DSCAML1: variants seen among roughly 807,000 people sequenced by gnomAD.
The protein encoded by DSCAML1 is cell adhesion molecule DSCAML1.
In DSCAML1, 38 loss-of-function variants were observed where a neutral mutation model predicts 200.5. The observed-to-expected ratio is 0.19, with a 90% CI of 0.15 to 0.25. The LOEUF is 0.25. Ranked by LOEUF, DSCAML1 falls within the 10% of genes least tolerant of loss-of-function variation. The probability of loss-of-function intolerance (pLI) is 1.00; values close to 1 mark genes in which losing one functional copy is unlikely to be tolerated. For missense variants in DSCAML1, 2,223 were observed against 2,858.8 expected, an observed-to-expected ratio of 0.78 and a Z score of 5.07; for synonymous variants, 1,215 against 1,165.0, an observed-to-expected ratio of 1.04 and a Z score of -0.87.
At chr11:117,653,780 A>G (rs1468814669) in intron 3 of DSCAML1, among the ~76,000 whole-genome samples, 3 of 152,242 alleles carry the variant, frequency 2.0e-5, no homozygotes, top group African/African-American at 2.4e-5. Context: ...CATTACTCAC[A>G]ATAGGCAAAA....
chr11:117,507,400 C>T (rs888009897), intron 8 of DSCAML1, among the ~76,000 whole-genome samples: 9 of 152,202 alleles, frequency 5.9e-5, no homozygotes, highest in Non-Finnish European at 1.2e-4. Flanking sequence ...CATGGCCCTC[C>T]GCCCTCAGGG....
intron 3 of DSCAML1, among the ~76,000 whole-genome samples, chr11:117,773,781 G>A (rs1313672760): frequency 6.6e-6 from 1 of 152,074 alleles, no homozygotes; most frequent in African/African-American, 2.4e-5. Flanking sequence ...TTCTGCACTT[G>A]GAGAAGACTG....
chr11:117,643,677 C>T (rs1283619087), intron 3 of DSCAML1, among the ~76,000 whole-genome samples: 2 of 152,114 alleles, frequency 1.3e-5, no homozygotes, highest in African/African-American at 4.8e-5. Flanking sequence ...CCCTCATCTC[C>T]TGCAGGGGAG....
At chr11:117,531,755 G>A (rs1252438545) in intron 4 of DSCAML1, among the ~76,000 whole-genome samples, 1 of 151,918 alleles carries the variant, frequency 6.6e-6, no homozygotes, top group African/African-American at 2.4e-5. Flanking sequence ...GCGTGGTGGC[G>A]CATGCCTATA....
chr11:117,714,481 A>C (rs2053910989), intron 3 of DSCAML1, among the ~76,000 whole-genome samples: 1 of 152,142 alleles, frequency 6.6e-6, no homozygotes, highest in East Asian at 1.9e-4. Context: ...AGTTCAACAC[A>C]TCCCATCTTG....
In DSCAML1 at chr11:117,428,429, C is replaced by T; in HGVS notation, c.6061G>A (p.Gly2021Arg). ...TCGAGAAGCGAGTCCCTGGAGCCCC[C>T]CATTTTGGTGTGTGGGCCCCCGGCT... is the stretch of plus-strand genomic sequence containing the variant. ...PRAGGPHTKM[G>R]GSRDSLLEMS... The change falls in exon 33 of 33, where the codon GGG becomes AGG. Residue 2021 changes from glycine to arginine, a missense_variant. Around this residue, in one of 7 missense-constraint regions of DSCAML1, gnomAD observed 280 missense variants for 213.4 expected, o/e 1.31. Coordinates refer to ENST00000651296, the MANE Select transcript of DSCAML1 (RefSeq NM_020693.4). 1.9e-6 allele frequency: 3 copies of T among 1,550,542 alleles called. No individual in the cohort carries two copies. Among genetic ancestry groups the T allele is most frequent in the Non-Finnish European group, 2.6e-6 (3 of 1,152,014 alleles).
chr11:117,603,605 A>G (rs2051507273), intron 3 of DSCAML1, among the ~76,000 whole-genome samples: 1 of 152,254 alleles, frequency 6.6e-6, no homozygotes, highest in East Asian at 1.9e-4. Context: ...ATTATTTCCT[A>G]AAGCATAAGG....
intron 11 of DSCAML1, among the ~76,000 whole-genome samples, chr11:117,485,377 A>T (rs1469916704): frequency 6.6e-6 from 1 of 152,158 alleles, no homozygotes; most frequent in East Asian, 1.9e-4. Flanking sequence ...CCAGCTTAGG[A>T]TGGCAATGAG....
intron 3 of DSCAML1, among the ~76,000 whole-genome samples, chr11:117,673,030 C>T (rs1489919890): frequency 6.6e-6 from 1 of 152,128 alleles, no homozygotes; most frequent in Non-Finnish European, 1.5e-5. Flanking sequence ...TCTGTGCTCC[C>T]CTGTGCTTGC....
chr11:117,796,742 A>G (rs1481828759), intron 1 of DSCAML1, among the ~76,000 whole-genome samples: 2 of 152,184 alleles, frequency 1.3e-5, no homozygotes, highest in Non-Finnish European at 2.9e-5. Flanking sequence ...GGAGGGGTCC[A>G]GGGCAGAACT....
chr11:117,442,573 C>T (rs1291146287), intron 21 of DSCAML1, among the ~76,000 whole-genome samples: 2 of 152,010 alleles, frequency 1.3e-5, no homozygotes, highest in Non-Finnish European at 2.9e-5. Flanking sequence ...CCTCACAGGG[C>T]GGCTGTGAGG....
chr11:117,477,394 G>A (rs867214012), intron 14 of DSCAML1, among the ~76,000 whole-genome samples: 22 of 143,766 alleles, frequency 1.5e-4, no homozygotes, highest in African/African-American at 5.2e-4. Context: ...GTGTGTGTAT[G>A]TGTGTGTGTA....
chr11:117,683,609 G>A (rs750344166), intron 3 of DSCAML1, among the ~76,000 whole-genome samples: 2 of 152,208 alleles, frequency 1.3e-5, no homozygotes, highest in Admixed American at 6.5e-5. Flanking sequence ...TCTGCTTCCA[G>A]GCTTTTTCCT....
chr11:117,778,538 A>G (rs1263133921), intron 2 of DSCAML1, among the ~76,000 whole-genome samples: 3 of 152,220 alleles, frequency 2.0e-5, no homozygotes, highest in Non-Finnish European at 4.4e-5. Flanking sequence ...TCACCATAAG[A>G]GCAGCGTATA....
intron 3 of DSCAML1, among the ~76,000 whole-genome samples, chr11:117,746,275 A>G (rs1176159033): frequency 6.7e-6 from 1 of 150,190 alleles, no homozygotes; most frequent in Non-Finnish European, 1.5e-5. Context: ...ATATAAGTGA[A>G]TTTTTATTAT....
intron 11 of DSCAML1, among the ~76,000 whole-genome samples, 188 bp from the exon 12 acceptor site, chr11:117,482,350 C>T (rs1221920718): frequency 6.6e-6 from 1 of 152,180 alleles, no homozygotes; most frequent in Non-Finnish European, 1.5e-5. Context: ...CAGCCTCCCT[C>T]TTCACCGGGG....
chr11:117,692,961 C>A (rs1026264576), intron 3 of DSCAML1, among the ~76,000 whole-genome samples: 1 of 152,184 alleles, frequency 6.6e-6, no homozygotes, highest in Non-Finnish European at 1.5e-5. Context: ...CCAGACCCCT[C>A]GCCATCTTGA....
chr11:117,495,212 C>T lies in DSCAML1; in HGVS notation c.2359+8633G>A, dbSNP rs571815175. On this transcript the variant is annotated intron_variant, in intron 11 of 32. Coordinates refer to ENST00000651296, the MANE Select transcript of DSCAML1 (RefSeq NM_020693.4). ...GGGAGTGCACCCCCTGTTATGCTCC[C>T]AGCCCCAAAGGCCCCAGCTGGCGGT... is the stretch of plus-strand genomic sequence containing the variant. Among the ~76,000 whole-genome samples the T allele has an allele frequency of 3.9e-5, 6 of 152,296 alleles. 1 individual carries two copies. In the South Asian group the frequency reaches 1.2e-3, roughly 32 times the overall value.
chr11:117,520,795 T>TGCAAGACTAC (rs1555180597), intron 6 of DSCAML1, among the ~76,000 whole-genome samples: 1 of 151,992 alleles, frequency 6.6e-6, no homozygotes, highest in Non-Finnish European at 1.5e-5. Flanking sequence ...TGGTGCAAGA[T>TGCAAGACTAC]GGTCCCTGCC....
Sources: allele counts gnomAD v4.1 joint callset (sites outside exome capture counted in the v4.1 genomes callset), GRCh38; gene constraint gnomAD v4.1.1; regional missense constraint gnomAD v4.1.1; transcripts MANE v1.5; gene names NCBI Gene and HGNC (gene_info 2026-07-23, HGNC 2026-07-21).